RAB6B: variants seen among roughly 807,000 people sequenced by gnomAD.
RAB6B encodes the protein ras-related protein Rab-6B.
A neutral mutation model predicts 31.2 loss-of-function variants in RAB6B; 7 were observed. That is an observed-to-expected ratio of 0.22 (90% CI 0.13 to 0.42). The LOEUF (loss-of-function observed/expected upper bound fraction) is 0.42, where lower values mean the gene tolerates loss of function less well. RAB6B is among the 10% of genes least tolerant of loss of function. The probability of loss-of-function intolerance (pLI) is 1.00; values close to 1 mark genes in which losing one functional copy is unlikely to be tolerated. For missense variants in RAB6B, 149 were observed against 280.6 expected (o/e 0.53, Z 3.35); for synonymous variants, 105 against 104.9 (o/e 1.00, Z -0.01).
chr3:133,867,963 C>T lies in RAB6B; in HGVS notation c.71-3321G>A, dbSNP rs145155528. Among the ~76,000 whole-genome samples, 721 of 152,270 alleles carry T rather than the reference C, an allele frequency of 4.7e-3. 4 individuals carry two copies. Among genetic ancestry groups the T allele is most frequent in the Middle Eastern group, 0.014 (4 of 294 alleles). On this transcript the variant is annotated intron_variant, in intron 1 of 7. Transcript: ENST00000285208. Reference sequence around the variant, plus strand: ...ACTACCCATGCCCTCGTCACTTCTGCCAGGGTAATGTGTGTTACACCCCTG... The same window carrying T: ...ACTACCCATGCCCTCGTCACTTCTGTCAGGGTAATGTGTGTTACACCCCTG...
intron 5 of RAB6B, among the ~76,000 whole-genome samples, chr3:133,839,153 G>C (rs903928244): frequency 6.6e-6 from 1 of 152,372 alleles, no homozygotes; most frequent in South Asian, 2.1e-4. Context: ...ACAGTTCACA[G>C]TGCACACGCT....
intron 2 of RAB6B, among the ~76,000 whole-genome samples, chr3:133,864,040 C>T (rs1372130961): frequency 6.6e-6 from 1 of 152,014 alleles, no homozygotes; most frequent in East Asian, 1.9e-4. Context: ...CAGAGGTCAC[C>T]GCATCCAGCC....
intron 6 of RAB6B, among the ~76,000 whole-genome samples, chr3:133,835,000 T>C (rs1935712017): frequency 6.6e-6 from 1 of 152,206 alleles, no homozygotes; most frequent in Non-Finnish European, 1.5e-5. Context: ...GGCCTTAAGG[T>C]GGGCTTCTGC....
intron 4 of RAB6B, among the ~76,000 whole-genome samples, chr3:133,839,987 T>TACACACAC (rs58229770): frequency 6.7e-6 from 1 of 149,948 alleles, no homozygotes; most frequent in African/African-American, 2.5e-5. Flanking sequence ...TGTGTGTGCA[T>TACACACAC]ACACACACAC....
At chr3:133,869,789 A>T (rs1936290659) in intron 1 of RAB6B, among the ~76,000 whole-genome samples, 1 of 152,198 alleles carries the variant, frequency 6.6e-6, no homozygotes, top group Admixed American at 6.5e-5. Context: ...GAAGGCCTAC[A>T]GGAGGGAGAC....
chr3:133,871,063 C>T (rs1431911266), intron 1 of RAB6B, among the ~76,000 whole-genome samples: 1 of 152,256 alleles, frequency 6.6e-6, no homozygotes, highest in African/African-American at 2.4e-5. Context: ...GATTCTTGTA[C>T]ATTCTGGTGG....
At chr3:133,891,810 A>G (rs1185119504) in intron 1 of RAB6B, among the ~76,000 whole-genome samples, 1 of 152,216 alleles carries the variant, frequency 6.6e-6, no homozygotes, top group Non-Finnish European at 1.5e-5. Context: ...CAGCACCTCC[A>G]GCAGCACAAT....
At chr3:133,829,403 C>T (rs190433026) in intron 7 of RAB6B, among the ~76,000 whole-genome samples, 14 of 152,350 alleles carry the variant, frequency 9.2e-5, no homozygotes, top group Non-Finnish European at 1.6e-4. Context: ...GCCCTTTCCA[C>T]TGGTGCCCCC....
intron 2 of RAB6B, among the ~76,000 whole-genome samples, chr3:133,846,665 G>C (rs1032593825): frequency 6.6e-6 from 1 of 152,100 alleles, no homozygotes; most frequent in East Asian, 1.9e-4. Flanking sequence ...AAAAAGTAGA[G>C]AGAAAACCGT....
chr3:133,888,277 C>A (rs552496034), intron 1 of RAB6B, among the ~76,000 whole-genome samples: 1 of 152,380 alleles, frequency 6.6e-6, no homozygotes, highest in African/African-American at 2.4e-5. Context: ...ACCCACAAAA[C>A]AGGGATGATC....
intron 1 of RAB6B, among the ~76,000 whole-genome samples, chr3:133,884,793 T>A (rs1056598175): frequency 3.4e-5 from 5 of 147,782 alleles, no homozygotes; most frequent in Admixed American, 2.7e-4. Context: ...GCCCCACATA[T>A]CCCAGTAACC....
chr3:133,827,747 C>CCT lies in RAB6B; in HGVS notation c.*1040_*1041insAG. ...CAAGGTGGTGGTTCTGCAGACAACA[C>CCT]CCCCCCCCCCCCCCGCCTCCCCATC... is the stretch of plus-strand genomic sequence containing the variant. On this transcript the variant is annotated 3_prime_UTR_variant, in exon 8 of 8. Coordinates refer to ENST00000285208, the MANE Select transcript of RAB6B (RefSeq NM_016577.4). 6.9e-5 allele frequency: 1 copy of CCT among 14,394 alleles called. No individual in the cohort carries two copies. The allele number at this position is 14,394 out of a possible 1,614,324, so 0.9% of individuals were successfully genotyped here. A position where few individuals can be genotyped will look rare whatever the true frequency, so the allele number is the denominator to read the frequency against.
intron 1 of RAB6B, among the ~76,000 whole-genome samples, chr3:133,873,989 A>T (rs1265202984): frequency 6.6e-6 from 1 of 152,230 alleles, no homozygotes; most frequent in African/African-American, 2.4e-5. Context: ...ATCATCATAA[A>T]GGTCTTCATC....
intron 1 of RAB6B, chr3:133,894,406 T>C (rs1221764571): frequency 6.6e-6 from 1 of 152,266 alleles, no homozygotes; most frequent in Non-Finnish European, 1.5e-5. Flanking sequence ...TTTTCAGAGA[T>C]GTTTTCCTGG....
In RAB6B at chr3:133,828,834, TC is replaced by T; in HGVS notation, c.580del (p.Asp194ThrfsTer25). 6.2e-7 allele frequency: 1 copy of T among 1,613,068 alleles called. No individual in the cohort carries two copies. Among genetic ancestry groups the T allele is most frequent in the Non-Finnish European group, 8.5e-7 (1 of 1,179,454 alleles). On this transcript the variant is annotated frameshift_variant, in exon 8 of 8. Transcript: ENST00000285208. LOFTEE classifies it high-confidence loss of function. ...GCTGGCCGGGGGCTCCTGGGGTTTG[TC>T]CAGCTTGATGTCGATCACTGCAGGG... ...SKEGMIDIKL[D>X]KPQEPPASEG...
chr3:133,839,117 T>C (rs896624841), intron 5 of RAB6B, among the ~76,000 whole-genome samples: 4 of 152,192 alleles, frequency 2.6e-5, no homozygotes, highest in African/African-American at 7.2e-5. Context: ...CCCACGCACA[T>C]TGGTGCAGAC....
intron 1 of RAB6B, among the ~76,000 whole-genome samples, chr3:133,890,452 A>G (rs1936621662): frequency 6.6e-6 from 1 of 152,142 alleles, no homozygotes; most frequent in Non-Finnish European, 1.5e-5. Context: ...TAAAAATACA[A>G]AAATTAGCCG....
rs566577576 is a variant in RAB6B at position 133,890,653 on chromosome 3, T to G, written c.70+4744A>C. 3.3e-5 allele frequency among the ~76,000 whole-genome samples: 5 copies of G among 152,272 alleles called. No individual in the cohort carries two copies. The South Asian group carries it at 6.2e-4, about 19-fold the overall frequency. ...CCTATTTCAAGCCACCTCAACTTCC[T>G]TCACTTTTAATCTACTGATGGGCCA... is the stretch of plus-strand genomic sequence containing the variant. On this transcript the variant is annotated intron_variant, in intron 1 of 7. Coordinates refer to ENST00000285208, the MANE Select transcript of RAB6B (RefSeq NM_016577.4).
intron 2 of RAB6B, among the ~76,000 whole-genome samples, chr3:133,845,914 T>C (rs970948836): frequency 6.6e-6 from 1 of 151,956 alleles, no homozygotes; most frequent in Non-Finnish European, 1.5e-5. Flanking sequence ...TGTCAAGAGA[T>C]TTATGAAAAT....
Sources: allele counts gnomAD v4.1 joint callset (sites outside exome capture counted in the v4.1 genomes callset), GRCh38; gene constraint gnomAD v4.1.1; transcripts MANE v1.5; gene names NCBI Gene and HGNC (gene_info 2026-07-23, HGNC 2026-07-21).